Variants in GDAP2 observed in about 807,000 individuals in gnomAD.
GDAP2 encodes the protein ganglioside induced differentiation associated protein 2, also known as ganglioside-induced differentiation-associated protein 2.
In GDAP2, 51 loss-of-function variants were observed where a neutral mutation model predicts 67.0. The observed-to-expected ratio is 0.76, with a 90% CI of 0.61 to 0.96. GDAP2 has a LOEUF of 0.96. Ranked by LOEUF, GDAP2 falls within the 40% of genes least tolerant of loss-of-function variation. GDAP2 has a pLI of 0.00. For missense variants in GDAP2, 547 were observed against 588.3 expected, an observed-to-expected ratio of 0.93 and a Z score of 0.73; for synonymous variants, 203 against 207.3, an observed-to-expected ratio of 0.98 and a Z score of 0.18.
rs374868917 is a variant in GDAP2 at position 117,914,714 on chromosome 1, A to G, written c.317-2031T>C. Among the ~76,000 whole-genome samples, 41 of 152,318 alleles carry G rather than the reference A, an allele frequency of 2.7e-4. No individual in the cohort carries two copies. In the East Asian group the frequency reaches 3.7e-3, roughly 14 times the overall value. On this transcript the variant is annotated intron_variant, in intron 3 of 13. Transcript: ENST00000369443. ...AACATACAAACAATCAGGGATAAGA[A>G]TAGCACAAGACTTCTCAACAGCACT...
intron 12 of GDAP2, among the ~76,000 whole-genome samples, chr1:117,881,291 G>A (rs916687017): frequency 1.4e-4 from 22 of 152,270 alleles, no homozygotes; most frequent in African/African-American, 5.1e-4. Flanking sequence ...GTAGGCTTAG[G>A]TAGTGGGAAT....
intron 5 of GDAP2, among the ~76,000 whole-genome samples, chr1:117,906,923 G>A (rs183842323): frequency 4.6e-5 from 7 of 152,234 alleles, no homozygotes; most frequent in African/African-American, 1.2e-4. Flanking sequence ...GTGACTGGCC[G>A]TAGAAGATGC....
intron 13 of GDAP2, 126 bp downstream of exon 13, chr1:117,877,883 A>G (rs1040900437): frequency 1.1e-5 from 14 of 1,315,540 alleles, no homozygotes; most frequent in Non-Finnish European, 1.2e-5. Flanking sequence ...GATATTACCA[A>G]GTTTATTAAG....
chr1:117,906,466 T>C (rs567627177), intron 6 of GDAP2, 40 bp downstream of exon 6: 63 of 1,056,026 alleles, frequency 6.0e-5, no homozygotes, highest in South Asian at 4.4e-4. Flanking sequence ...TGCTTAAAGA[T>C]AGAAATAAGA....
chr1:117,921,575 A>G lies in GDAP2; in HGVS notation c.-67-1151T>C, dbSNP rs189117583. Among the ~76,000 whole-genome samples, 15 of 152,300 alleles carry G rather than the reference A, an allele frequency of 9.8e-5. No individual in the cohort carries two copies. The East Asian group carries it at 2.3e-3, about 24-fold the overall frequency. ...ATATTACAGGAGGAGCAAGGAGGCC[A>G]GTTTAGGAAAAGCAGAATAAGCTAG... On this transcript the variant is annotated intron_variant, in intron 1 of 13. Transcript: ENST00000369443.
chr1:117,871,478 T>C (rs1328105033), intron 13 of GDAP2, among the ~76,000 whole-genome samples: 2 of 152,210 alleles, frequency 1.3e-5, no homozygotes, highest in African/African-American at 4.8e-5. Context: ...TGCTTAGCAC[T>C]AGTATAAGAC....
At chr1:117,911,567 G>C (rs952218813) in intron 5 of GDAP2, among the ~76,000 whole-genome samples, 1 of 151,796 alleles carries the variant, frequency 6.6e-6, no homozygotes, top group African/African-American at 2.4e-5. Flanking sequence ...CTCATTCTTT[G>C]CTCAATTAAA....
chr1:117,901,810 C>T (rs1034235516), intron 6 of GDAP2, among the ~76,000 whole-genome samples: 2 of 152,174 alleles, frequency 1.3e-5, no homozygotes, highest in Non-Finnish European at 2.9e-5. Flanking sequence ...CATATGCCAA[C>T]CAACCAATCC....
In GDAP2 at chr1:117,912,687, A is replaced by T; in HGVS notation, c.317-4T>A. On this transcript the variant is annotated splice_polypyrimidine_tract_variant and splice_region_variant and intron_variant, in intron 3 of 13. Transcript: ENST00000369443. ...TTTGCTTCACCTGTTCGGCACCCTG[A>T]AAACAATGGAAACACACATAAGTTT... 1.2e-6 allele frequency: 2 copies of T among 1,611,616 alleles called. No individual in the cohort carries two copies. The highest frequency in any genetic ancestry group is 1.7e-6 in the Non-Finnish European group (2 of 1,178,104).
At chr1:117,882,563 C>T (rs145143707) in intron 11 of GDAP2, among the ~76,000 whole-genome samples, 137 of 152,110 alleles carry the variant, frequency 9.0e-4, no homozygotes, top group African/African-American at 3.1e-3. Context: ...CATTGGGTCA[C>T]GTGAAGTTAA....
At chr1:117,928,668 C>T (rs1431508360) in intron 1 of GDAP2, among the ~76,000 whole-genome samples, 1 of 152,184 alleles carries the variant, frequency 6.6e-6, no homozygotes, top group Non-Finnish European at 1.5e-5. Context: ...ATGCATTAAG[C>T]TCAGGAAACT....
chr1:117,912,127 A>G (rs1022826306), intron 4 of GDAP2, 45 bp from the exon 5 acceptor site: 3 of 1,046,090 alleles, frequency 2.9e-6, no homozygotes, highest in Non-Finnish European at 4.5e-6. Flanking sequence ...AAATATCAGT[A>G]ATACATACAC....
In GDAP2 at chr1:117,914,107, T is replaced by C. The variant is rs577625033; in HGVS notation, c.317-1424A>G. Among the ~76,000 whole-genome samples, 5 of 152,320 alleles carry C rather than the reference T, an allele frequency of 3.3e-5. No individual in the cohort carries two copies. In the South Asian group the frequency reaches 1.0e-3, roughly 32 times the overall value. Reference sequence around the variant, plus strand: ...GCCTGAAATGACTTAGACACCCATGTGTACAAAGTTTCCCATGAACTTTTC... The same window carrying C: ...GCCTGAAATGACTTAGACACCCATGCGTACAAAGTTTCCCATGAACTTTTC... On this transcript the variant is annotated intron_variant, in intron 3 of 13. Coordinates refer to ENST00000369443, the MANE Select transcript of GDAP2 (RefSeq NM_017686.4).
intron 1 of GDAP2, among the ~76,000 whole-genome samples, chr1:117,922,646 C>A (rs1650297306): frequency 6.6e-6 from 1 of 152,106 alleles, no homozygotes; most frequent in Non-Finnish European, 1.5e-5. Flanking sequence ...ACAAAACCAG[C>A]AAGTTTTTAT....
At chr1:117,897,959 T>C (rs1356574448) in intron 7 of GDAP2, among the ~76,000 whole-genome samples, 1 of 152,208 alleles carries the variant, frequency 6.6e-6, no homozygotes, top group Non-Finnish European at 1.5e-5. Context: ...AACATAAAAG[T>C]ATTTTCTGAG....
chr1:117,913,495 C>T (rs535820996), intron 3 of GDAP2: 1 of 151,968 alleles, frequency 6.6e-6, no homozygotes, highest in East Asian at 1.9e-4. Flanking sequence ...GAACCCCAGG[C>T]ACAGCTGAAA....
chr1:117,920,857 G>A (rs1156644944), intron 1 of GDAP2, among the ~76,000 whole-genome samples: 1 of 152,188 alleles, frequency 6.6e-6, no homozygotes, highest in Admixed American at 6.5e-5. Flanking sequence ...AAGCTGGGAG[G>A]TTACTGCAAT....
intron 5 of GDAP2, among the ~76,000 whole-genome samples, chr1:117,909,241 T>G (rs979995571): frequency 6.6e-6 from 1 of 152,230 alleles, no homozygotes; most frequent in Non-Finnish European, 1.5e-5. Context: ...ACCTTCATCT[T>G]ATTTCTCACC....
Position 117,869,249 on chromosome 1 carries a change from A to G in GDAP2, c.*1320T>C, listed in dbSNP as rs925275205. 1.3e-5 allele frequency: 2 copies of G among 152,172 alleles called. No homozygotes were observed. Among genetic ancestry groups the G allele is most frequent in the African/African-American group, 4.8e-5 (2 of 41,448 alleles). 9.4% of individuals were successfully genotyped at this position (152,172 alleles called of 1,614,324 possible). A position where few individuals can be genotyped will look rare whatever the true frequency, so the allele number is the denominator to read the frequency against. ...TGGGAATAATAATGGTTTGACCTTA[A>G]TTCAAGAAGAAATGTTTAAAATGGC... On this transcript the variant is annotated 3_prime_UTR_variant, in exon 14 of 14. Coordinates refer to ENST00000369443, the MANE Select transcript of GDAP2 (RefSeq NM_017686.4).
Sources: gnomAD v4.1 joint callset for allele counts (sites outside exome capture counted in the v4.1 genomes callset) on GRCh38, gnomAD v4.1.1 for gene constraint, MANE v1.5 for transcripts, NCBI Gene and HGNC (gene_info 2026-07-23, HGNC 2026-07-21) for gene names.